The following MTERF4 variants were observed in gnomAD, a reference collection of about 807,000 sequenced individuals.
MTERF4 encodes transcription termination factor 4, mitochondrial.
MTERF4 carries 17 observed loss-of-function variants against 22.5 expected under a neutral mutation model. That is an observed-to-expected ratio of 0.75 (90% CI 0.52 to 1.13). The LOEUF is 1.13. MTERF4 is among the 50% of genes most tolerant of loss of function. The probability of loss-of-function intolerance (pLI) is 0.00; values close to 1 mark genes in which losing one functional copy is unlikely to be tolerated. For missense variants in MTERF4, 420 were observed against 466.8 expected (o/e 0.90, Z 0.92); for synonymous variants, 165 against 175.3 (o/e 0.94, Z 0.47).
At chr2:241,102,014 T>C (rs990230811) in intron 1 of MTERF4, 20 of 571,556 alleles carry the variant, frequency 3.5e-5, no homozygotes, top group Non-Finnish European at 5.2e-5. Context: ...GATCGCGCCA[T>C]TGCACTCCAG....
chr2:241,058,165 A>G, the MTERF4 span, among the ~76,000 whole-genome samples: 1 of 152,186 alleles, frequency 6.6e-6, no homozygotes, highest in African/African-American at 2.4e-5. Flanking sequence ...GAAAAAGAAG[A>G]GTATAAGACG....
At chr2:241,087,375 C>T (rs1448361042), downstream of MTERF4, 3 of 1,581,266 alleles carry the variant, frequency 1.9e-6, no homozygotes, top group Non-Finnish European at 2.6e-6. Flanking sequence ...TTTTACAAAG[C>T]TTTCTTGTGA....
chr2:241,086,877 G>A (rs569397769), downstream of MTERF4, among the ~76,000 whole-genome samples: 18 of 152,316 alleles, frequency 1.2e-4, no homozygotes, highest in East Asian at 9.6e-4. Flanking sequence ...ACCTGCAACC[G>A]AGGCTTAAAA....
At chr2:241,101,079 T>C (rs2064683158) in intron 1 of MTERF4, 1 of 444,664 alleles carries the variant, frequency 2.2e-6, no homozygotes, top group Non-Finnish European at 4.8e-6. Flanking sequence ...GGTTTCAGGA[T>C]GATTCAAGCA....
chr2:241,065,348 G>A, the MTERF4 span: 1 of 1,613,036 alleles, frequency 6.2e-7, no homozygotes, highest in East Asian at 2.2e-5. Context: ...AGGAGAGTGG[G>A]GTCTCTATCT....
the MTERF4 span, chr2:241,063,777 A>G: frequency 8.8e-7 from 1 of 1,131,588 alleles, no homozygotes; most frequent in Non-Finnish European, 1.3e-6. Context: ...GGGCATCCCC[A>G]CATTCCCTGC....
intron 4 of MTERF4, among the ~76,000 whole-genome samples, chr2:241,076,846 C>A (rs1465577946): frequency 1.3e-5 from 2 of 152,216 alleles, no homozygotes; most frequent in East Asian, 1.9e-4. Context: ...AATCCCAGCA[C>A]TTTGGGAGGC....
chr2:241,069,777 G>A (rs576545108), downstream of MTERF4: 58 of 944,380 alleles, frequency 6.1e-5, no homozygotes, highest in Non-Finnish European at 8.2e-5. The surrounding 1 kb of genome is among the most constrained non-coding windows in gnomAD (Gnocchi z 4.9). Context: ...CCCACACCCC[G>A]CCTCGGCACT....
chr2:241,073,407 G>A lies in MTERF4; in HGVS notation n.2755C>T, dbSNP rs1485604329. Reference sequence around the variant, plus strand: ...GTGGGGACTTTGGGACTGACTGACTGCTCTCAGGGGCCTTAGAGGCTGCAG... The same window carrying A: ...GTGGGGACTTTGGGACTGACTGACTACTCTCAGGGGCCTTAGAGGCTGCAG... On this transcript the variant is annotated non_coding_transcript_exon_variant, in exon 5 of 5. Transcript: ENST00000464344. This position sits in a 1 kb window ranked among gnomAD's most constrained non-coding sequence, Gnocchi z 6.6. 2.0e-6 allele frequency: 3 copies of A among 1,471,760 alleles called. No individual in the cohort carries two copies. The highest frequency in any genetic ancestry group is 2.0e-5 in the Admixed American group (1 of 50,904). 91.2% of individuals were successfully genotyped at this position (1,471,760 alleles called of 1,614,324 possible).
At chr2:241,089,510 T>C (rs2063771115), downstream of MTERF4, 11 of 1,391,214 alleles carry the variant, frequency 7.9e-6, no homozygotes, top group Non-Finnish European at 9.7e-6. Flanking sequence ...GCTCCGCACA[T>C]GGCAGGAACT....
chr2:241,098,527 G>A (rs1456710183), intron 2 of MTERF4, among the ~76,000 whole-genome samples: 2 of 152,212 alleles, frequency 1.3e-5, no homozygotes, highest in African/African-American at 2.4e-5. Flanking sequence ...GGAACTTTGA[G>A]CATCCTTGAG....
chr2:241,095,905 G>A lies in MTERF4; in HGVS notation c.*93C>T. Reference sequence around the variant, plus strand: ...CCAGTTTTAGAATAAAAAATAACTTGAGAAGATTCAAGTAAAGGACCCAAA... The same window carrying A: ...CCAGTTTTAGAATAAAAAATAACTTAAGAAGATTCAAGTAAAGGACCCAAA... On this transcript the variant is annotated 3_prime_UTR_variant, in exon 4 of 4. Coordinates refer to ENST00000391980, the MANE Select transcript of MTERF4 (RefSeq NM_182501.4). The A allele has an allele frequency of 1.3e-6, 2 of 1,518,036 alleles. No homozygotes were observed. The highest frequency in any genetic ancestry group is 1.8e-6 in the Non-Finnish European group (2 of 1,137,050). 94.0% of individuals were successfully genotyped at this position (1,518,036 alleles called of 1,614,324 possible).
chr2:241,072,094 C>T (rs952884453), downstream of MTERF4: 25 of 700,174 alleles, frequency 3.6e-5, no homozygotes, highest in African/African-American at 1.6e-4. Flanking sequence ...GAGGGCCTCA[C>T]GTCAGTGTGT....
At chr2:241,085,860 CTTTTT>C (rs772995766), downstream of MTERF4, among the ~76,000 whole-genome samples, 3 of 79,190 alleles carry the variant, frequency 3.8e-5, no homozygotes, top group African/African-American at 5.1e-5. Flanking sequence ...TCTGCGGTTT[CTTTTT>C]TTTTTTTTTT....
chr2:241,095,997 G>A lies in MTERF4; in HGVS notation c.*1C>T, dbSNP rs149798127. 184 of 1,613,764 alleles carry A rather than the reference G, an allele frequency of 1.1e-4. 1 individual carries two copies. In the African/African-American group the frequency reaches 2.3e-3, roughly 20 times the overall value. On this transcript the variant is annotated 3_prime_UTR_variant, in exon 4 of 4. Transcript: ENST00000391980. ...CTTTCGCTCTAGTCCTTCCATCACA[G>A]CTATTCCTCCTCGTCGTCGTCCTCA...
chr2:241,065,956 G>T, the MTERF4 span, among the ~76,000 whole-genome samples: 497 of 152,230 alleles, frequency 3.3e-3, 3 homozygotes, highest in Middle Eastern at 0.041. Flanking sequence ...GGTGGGCTTG[G>T]GGGGGCTGGG....
At chr2:241,053,019 C>T in the MTERF4 span, 1 of 818,674 alleles carries the variant, frequency 1.2e-6, no homozygotes, top group Non-Finnish European at 1.9e-6. Context: ...GAAGTCGAGG[C>T]ACCTTTCCCC....
the MTERF4 span, among the ~76,000 whole-genome samples, chr2:241,057,381 AT>A: frequency 0.063 from 892 of 14,256 alleles, 7 homozygotes; most frequent in Middle Eastern, 0.29. Flanking sequence ...CCATCTCAAA[AT>A]ATATATATAT....
chr2:241,099,527 T>G lies in MTERF4; in HGVS notation c.389A>C (p.Glu130Ala), dbSNP rs149273257. 2.0e-5 allele frequency: 32 copies of G among 1,614,138 alleles called. No individual in the cohort carries two copies. In the African/African-American group the frequency reaches 3.7e-4, roughly 19 times the overall value. Residue 130 changes from glutamate (E) to alanine (A), a missense_variant, in exon 2 of 4, where the codon GAA becomes GCA. Transcript: ENST00000391980. Reference protein sequence around the residue: ...SLQQLLDIISEFILLGLNPEP... With the variant: ...SLQQLLDIISAFILLGLNPEP... ...TGGATTCAGACCCAAGAGAATAAAT[T>G]CTGAAATGATGTCCAGCAACTGTTG... is the stretch of plus-strand genomic sequence containing the variant.
Sources: gnomAD v4.1 joint callset for allele counts (sites outside exome capture counted in the v4.1 genomes callset) on GRCh38, gnomAD v4.1.1 for gene constraint, Gnocchi (gnomAD v3.1) non-coding constraint, MANE v1.5 for transcripts, NCBI Gene and HGNC (gene_info 2026-07-23, HGNC 2026-07-21) for gene names.